The following XKR4 variants were observed in gnomAD, a reference collection of about 807,000 sequenced individuals.
XKR4 encodes the protein XK-related protein 4.
XKR4 carries 12 observed loss-of-function variants against 53.9 expected under a neutral mutation model. The ratio of observed to expected loss-of-function variants is 0.22; its 90% CI spans 0.14 to 0.36. The LOEUF (loss-of-function observed/expected upper bound fraction) is 0.36. Among genes scored for constraint, XKR4 ranks in the 10% least tolerant of loss-of-function variants. XKR4 has a pLI of 1.00. For missense variants in XKR4, 799 were observed against 859.5 expected (o/e 0.93, Z 0.88); for synonymous variants, 354 against 362.4 (o/e 0.98, Z 0.26).
intron 1 of XKR4, among the ~76,000 whole-genome samples, chr8:55,257,942 C>T (rs1008889732): frequency 1.1e-4 from 16 of 152,148 alleles, no homozygotes; most frequent in African/African-American, 3.6e-4. Flanking sequence ...AGTGGGAATC[C>T]AGCAGGAGCC....
chr8:55,318,706 G>A (rs1217850340), intron 1 of XKR4, among the ~76,000 whole-genome samples: 1 of 152,144 alleles, frequency 6.6e-6, no homozygotes, highest in Admixed American at 6.5e-5. Context: ...TATTGAAACA[G>A]CTAACAGTTC....
At chr8:55,424,172 A>G (rs980719) in intron 2 of XKR4, among the ~76,000 whole-genome samples, 46,191 of 152,128 alleles carry the variant, frequency 0.3, 8,325 homozygotes, top group East Asian at 0.43. Context: ...CAGTTTCTTC[A>G]AAGTACAACT....
At chr8:55,354,766 T>C (rs1803774495) in intron 1 of XKR4, among the ~76,000 whole-genome samples, 1 of 149,678 alleles carries the variant, frequency 6.7e-6, no homozygotes, top group Admixed American at 6.6e-5. Context: ...TACCTCTAAA[T>C]GAGCTGAAAG....
At chr8:55,324,619 C>T (rs1041218358) in intron 1 of XKR4, among the ~76,000 whole-genome samples, 2 of 152,184 alleles carry the variant, frequency 1.3e-5, no homozygotes, top group African/African-American at 4.8e-5. Context: ...CTACTTATGG[C>T]TTAACTCACT....
intron 1 of XKR4, among the ~76,000 whole-genome samples, chr8:55,228,079 G>A (rs1817981668): frequency 6.6e-6 from 1 of 152,088 alleles, no homozygotes; most frequent in Non-Finnish European, 1.5e-5. Flanking sequence ...GCTAATTTTT[G>A]TATTTTTAGT....
intron 1 of XKR4, among the ~76,000 whole-genome samples, chr8:55,119,574 A>G (rs1224184928): frequency 6.6e-6 from 1 of 152,142 alleles, no homozygotes; most frequent in Non-Finnish European, 1.5e-5. Flanking sequence ...TCCGAAGTTG[A>G]CTGTGTTGGG....
chr8:55,306,435 C>T lies in XKR4; in HGVS notation c.807-51243C>T, dbSNP rs1310712358. ...ATTTTCATGCTGCTGATAAAGTATA[C>T]CTGAGACTGGACAATGTACGAAAGA... On this transcript the variant is annotated intron_variant, in intron 1 of 2. Coordinates refer to ENST00000327381, the MANE Select transcript of XKR4 (RefSeq NM_052898.2). Among the ~76,000 whole-genome samples the T allele has an allele frequency of 2.6e-5, 4 of 152,114 alleles. No individual in the cohort carries two copies. In the East Asian group the frequency reaches 5.8e-4, roughly 22 times the overall value.
Position 55,526,354 on chromosome 8 carries a change from T to C in XKR4, c.*2127T>C, listed in dbSNP as rs1030172886. 6.6e-6 allele frequency: 1 copy of C among 152,152 alleles called. No individual in the cohort carries two copies. The highest frequency in any genetic ancestry group is 2.4e-5 in the African/African-American group (1 of 41,452). 9.4% of individuals were successfully genotyped at this position (152,152 alleles called of 1,614,324 possible). Reference sequence around the variant, plus strand: ...GCCCCAAATCAATTTTTTTAAAAAATAGACAATTTTTATAAGTAGACATAC... The same window carrying C: ...GCCCCAAATCAATTTTTTTAAAAAACAGACAATTTTTATAAGTAGACATAC... On this transcript the variant is annotated 3_prime_UTR_variant, in exon 3 of 3. Transcript: ENST00000327381.
At chr8:55,111,717 A>G (rs1373117563) in intron 1 of XKR4, among the ~76,000 whole-genome samples, 1 of 152,332 alleles carries the variant, frequency 6.6e-6, no homozygotes, top group East Asian at 1.9e-4. Flanking sequence ...ATTGCCATCT[A>G]GATTTCATGT....
chr8:55,159,003 C>T (rs76806731), intron 1 of XKR4, among the ~76,000 whole-genome samples: 4,622 of 151,972 alleles, frequency 0.03, 180 homozygotes, highest in East Asian at 0.12. Context: ...CGTTTTTTTC[C>T]AATTCTGTGA....
In XKR4 at chr8:55,173,276, A is replaced by C. The variant is rs145975593; in HGVS notation, c.806+69982A>C. Among the ~76,000 whole-genome samples, 324 of 151,254 alleles carry C rather than the reference A, an allele frequency of 2.1e-3. 1 individual carries two copies. The highest frequency in any genetic ancestry group is 7.3e-3 in the African/African-American group (303 of 41,326). ...CTAAAGTCCGCTCCCAGCATGGCAC[A>C]GGGGCTCCCATCAACACTTTTTTTT... On this transcript the variant is annotated intron_variant, in intron 1 of 2. Transcript: ENST00000327381.
chr8:55,450,621 G>A (rs895037855), intron 2 of XKR4: 6 of 672,508 alleles, frequency 8.9e-6, no homozygotes, highest in Non-Finnish European at 1.4e-5. Context: ...TGCAGGTGGA[G>A]CTGGTGTAGG....
chr8:55,176,308 A>G, intron 1 of XKR4, among the ~76,000 whole-genome samples: 1 of 152,350 alleles, frequency 6.6e-6, no homozygotes, highest in South Asian at 2.1e-4. Context: ...CTTGTCACTG[A>G]AAGAGTTCAC....
chr8:55,337,800 C>T (rs1803483828), intron 1 of XKR4, among the ~76,000 whole-genome samples: 1 of 152,228 alleles, frequency 6.6e-6, no homozygotes, highest in African/African-American at 2.4e-5. Flanking sequence ...TAGCTTGTCT[C>T]AGCTCTGAAT....
intron 1 of XKR4, chr8:55,142,229 T>G (rs1816716513): frequency 4.4e-6 from 2 of 455,658 alleles, no homozygotes; most frequent in Non-Finnish European, 8.8e-6. Context: ...TTCATGTCAT[T>G]GAAACTTGCT....
intron 2 of XKR4, among the ~76,000 whole-genome samples, chr8:55,394,746 T>C (rs1474684827): frequency 6.6e-6 from 1 of 152,222 alleles, no homozygotes; most frequent in Non-Finnish European, 1.5e-5. Flanking sequence ...TACCATGACA[T>C]TAATTATCAC....
chr8:55,268,041 A>G (rs1228160104), intron 1 of XKR4, among the ~76,000 whole-genome samples: 1 of 152,206 alleles, frequency 6.6e-6, no homozygotes, highest in African/African-American at 2.4e-5. Flanking sequence ...TTGAGGAGAA[A>G]AAGCTGTGCA....
Position 55,523,880 on chromosome 8 carries a change from A to G in XKR4, c.1606A>G (p.Thr536Ala), listed in dbSNP as rs767972467. ...CACEDPAAAF[T>A]LPPDVATSTL... ...TTGTGAGGACCCAGCCGCTGCCTTCACTTTGCCCCCAGACGTGGCCACAAG... is the reference window on the plus strand; with the variant it reads ...TTGTGAGGACCCAGCCGCTGCCTTCGCTTTGCCCCCAGACGTGGCCACAAG... Residue 536 changes from threonine (T) to alanine (A), a missense_variant, in exon 3 of 3, where the codon ACT becomes GCT. Physicochemically the swap from Thr to Ala is moderately conservative, Grantham distance 58. This residue lies in a region of XKR4 where 269 missense variants were observed against 264.4 expected (regional missense o/e 1.02). Coordinates refer to ENST00000327381, the MANE Select transcript of XKR4 (RefSeq NM_052898.2). The G allele has an allele frequency of 6.2e-7, 1 of 1,614,106 alleles. No individual in the cohort carries two copies. The highest frequency in any genetic ancestry group is 8.5e-7 in the Non-Finnish European group (1 of 1,180,018).
intron 1 of XKR4, among the ~76,000 whole-genome samples, chr8:55,190,342 A>G (rs1413551896): frequency 1.3e-5 from 2 of 152,238 alleles, no homozygotes; most frequent in African/African-American, 4.8e-5. Flanking sequence ...AATAAGGGCA[A>G]TTCCTTGCCA....
Sources: gnomAD v4.1 joint callset for allele counts (sites outside exome capture counted in the v4.1 genomes callset) on GRCh38, gnomAD v4.1.1 for gene constraint, gnomAD v4.1.1 regional missense constraint, MANE v1.5 for transcripts, NCBI Gene and HGNC (gene_info 2026-07-23, HGNC 2026-07-21) for gene names.